Variants in ALDH1A1 observed in about 807,000 individuals in gnomAD.
ALDH1A1 encodes the protein aldehyde dehydrogenase 1A1.
Under a neutral mutation model 62.1 loss-of-function variants are expected in ALDH1A1, and 19 were observed. The observed-to-expected ratio is 0.31, with a 90% CI of 0.21 to 0.45. The LOEUF (loss-of-function observed/expected upper bound fraction) is 0.45, where lower values mean the gene tolerates loss of function less well. Ranked by LOEUF, ALDH1A1 falls within the 20% of genes least tolerant of loss-of-function variation. The pLI, the probability that ALDH1A1 is intolerant of heterozygous loss-of-function variation, is 1.00. For synonymous variants in ALDH1A1, 231 were observed against 215.9 expected, an observed-to-expected ratio of 1.07 and a Z score of -0.61; for missense variants, 521 against 607.1, an observed-to-expected ratio of 0.86 and a Z score of 1.49.
At chr9:72,913,009 A>C (rs1054386501) in intron 9 of ALDH1A1, among the ~76,000 whole-genome samples, 3 of 152,142 alleles carry the variant, frequency 2.0e-5, no homozygotes, top group Non-Finnish European at 4.4e-5. Flanking sequence ...GCAGGGGTTA[A>C]GGATTAAAGG....
At position 72,907,801 on chromosome 9, in the gene ALDH1A1, A is replaced by G. The variant is rs1829894178; in HGVS notation, c.1359-1769T>C. 2.6e-5 allele frequency among the ~76,000 whole-genome samples: 4 copies of G among 152,220 alleles called. No homozygotes were observed. In the South Asian group the frequency reaches 8.3e-4, roughly 32 times the overall value. On this transcript the variant is annotated intron_variant, in intron 11 of 12. Transcript: ENST00000297785. ...GTATAAATATCTTCAGTAAGTGGCG[A>G]TAATATACATACACACAGTAACTAT...
At position 72,931,580 on chromosome 9, in the gene ALDH1A1, C is replaced by T. The variant is rs745931274; in HGVS notation, c.172-561G>A. 5.3e-5 allele frequency among the ~76,000 whole-genome samples: 8 copies of T among 152,174 alleles called. No homozygotes were observed. In the East Asian group the frequency reaches 1.2e-3, roughly 22 times the overall value. On this transcript the variant is annotated intron_variant, in intron 2 of 12. Coordinates refer to ENST00000297785, the MANE Select transcript of ALDH1A1 (RefSeq NM_000689.5). ...CAAGATCCAAAATAATGAATATCTTCCTTGGTCTCTGGTGACTCAACAGCC... is the reference window on the plus strand; with the variant it reads ...CAAGATCCAAAATAATGAATATCTTTCTTGGTCTCTGGTGACTCAACAGCC...
chr9:72,936,861 CA>C (rs1022684731), intron 2 of ALDH1A1, among the ~76,000 whole-genome samples: 1 of 152,146 alleles, frequency 6.6e-6, no homozygotes, highest in Non-Finnish European at 1.5e-5. Flanking sequence ...TACAACTTAA[CA>C]GCTTAACACT....
At chr9:72,910,406 A>G (rs1829967827) in intron 10 of ALDH1A1, among the ~76,000 whole-genome samples, 1 of 152,178 alleles carries the variant, frequency 6.6e-6, no homozygotes, top group Admixed American at 6.5e-5. Context: ...CCTTACTGCA[A>G]GAGCTTATAC....
At chr9:72,940,699 G>T (rs531782939) in intron 1 of ALDH1A1, among the ~76,000 whole-genome samples, 4 of 152,184 alleles carry the variant, frequency 2.6e-5, no homozygotes, top group African/African-American at 4.8e-5. Context: ...GTTAAAAAAA[G>T]AATTTTGCTA....
rs140513949 is a variant in ALDH1A1 at position 72,917,046 on chromosome 9, A to G, written c.909T>C (p.Cys303=). ...CCACAAAAATCCTGGATGCGGCTATACAACACTGGCCCTGGTGGTAGAATA... is the reference window on the plus strand; with the variant it reads ...CCACAAAAATCCTGGATGCGGCTATGCAACACTGGCCCTGGTGGTAGAATA... ...HGVFYHQGQC[C]IAASRIFVEE... The change falls in exon 9 of 13, where the codon TGT becomes TGC. Residue 303 remains cysteine, a synonymous_variant. Coordinates refer to ENST00000297785, the MANE Select transcript of ALDH1A1 (RefSeq NM_000689.5). 6.8e-6 allele frequency: 11 copies of G among 1,613,722 alleles called. No individual in the cohort carries two copies. The highest frequency in any genetic ancestry group is 5.9e-6 in the Non-Finnish European group (7 of 1,179,768).
intron 2 of ALDH1A1, among the ~76,000 whole-genome samples, chr9:72,939,725 C>A (rs1830392780): frequency 6.6e-6 from 1 of 151,856 alleles, no homozygotes; most frequent in Admixed American, 6.6e-5. Context: ...CCCATGTTGG[C>A]CAGGCTGGTC....
intron 1 of ALDH1A1, among the ~76,000 whole-genome samples, chr9:72,945,465 G>A (rs1830464274): frequency 6.6e-6 from 1 of 151,914 alleles, no homozygotes; most frequent in Non-Finnish European, 1.5e-5. Context: ...ACGAGAGGGA[G>A]GGTGATGAGA....
intron 11 of ALDH1A1, among the ~76,000 whole-genome samples, chr9:72,907,087 T>G (rs1195118101): frequency 1.3e-5 from 2 of 152,238 alleles, no homozygotes; most frequent in African/African-American, 4.8e-5. Context: ...GAGATAATAT[T>G]CAGATGTTTT....
intron 7 of ALDH1A1, among the ~76,000 whole-genome samples, chr9:72,921,827 T>C (rs1292929794): frequency 2.0e-5 from 3 of 151,900 alleles, no homozygotes; most frequent in Non-Finnish European, 2.9e-5. Flanking sequence ...CATAAGGCAA[T>C]AGGCATGCAC....
chr9:72,908,560 AAAGAAAGAAAGAAAGAAAGAAAG>A (rs1829922873), intron 11 of ALDH1A1, among the ~76,000 whole-genome samples: 1 of 8,208 alleles, frequency 1.2e-4, no homozygotes, highest in Non-Finnish European at 3.2e-4. Flanking sequence ...AAGAAGAAAG[AAAGAAAGAAAGAAAGAAAGAAAG>A]AAAGAAAGAA....
chr9:72,921,240 CA>C (rs1025687679), intron 7 of ALDH1A1, among the ~76,000 whole-genome samples: 2,560 of 79,066 alleles, frequency 0.032, 35 homozygotes, highest in East Asian at 0.075. Context: ...CGACTCCTCT[CA>C]AAAAAAAAAA....
chr9:72,938,022 A>C (rs1299515976), intron 2 of ALDH1A1, among the ~76,000 whole-genome samples: 1 of 152,106 alleles, frequency 6.6e-6, no homozygotes, highest in Admixed American at 6.5e-5. Flanking sequence ...TAAATCTAAA[A>C]GGGCCCCCTC....
rs1391796196 is a variant in ALDH1A1 at position 72,905,962 on chromosome 9, C to G, written c.1429G>C (p.Glu477Gln). The part of the protein sequence containing the change: ...GGFKMSGNGR[E>Q]LGEYGFHEYT... ...TTAATAGAACGTTAATCTTACAGTT[C>G]TCTTCCATTTCCAGACATCTTGAAT... Residue 477 changes from glutamate (E) to glutamine (Q), a missense_variant, in exon 12 of 13, where the codon GAA becomes CAA. Coordinates refer to ENST00000297785, the MANE Select transcript of ALDH1A1 (RefSeq NM_000689.5). 6.2e-7 allele frequency: 1 copy of G among 1,605,958 alleles called. No individual in the cohort carries two copies. Among genetic ancestry groups the G allele is most frequent in the Non-Finnish European group, 8.5e-7 (1 of 1,174,098 alleles).
At chr9:72,951,711 T>C (rs1312119381) in intron 1 of ALDH1A1, among the ~76,000 whole-genome samples, 4 of 151,920 alleles carry the variant, frequency 2.6e-5, no homozygotes, top group Admixed American at 6.6e-5. Context: ...TGTTTGACGG[T>C]ATGGATTTAC....
chr9:72,935,721 C>T (rs1318730856), intron 2 of ALDH1A1, among the ~76,000 whole-genome samples: 2 of 152,156 alleles, frequency 1.3e-5, no homozygotes, highest in Non-Finnish European at 2.9e-5. Flanking sequence ...TGTTCTTGCC[C>T]TTCCTCTTTT....
intron 1 of ALDH1A1, among the ~76,000 whole-genome samples, chr9:72,950,214 C>G (rs1830528023): frequency 1.3e-5 from 2 of 151,832 alleles, no homozygotes; most frequent in South Asian, 4.1e-4. Flanking sequence ...ATACTTTCAT[C>G]GACCTTAGAA....
chr9:72,946,276 T>C (rs1204690069), intron 1 of ALDH1A1, among the ~76,000 whole-genome samples: 1 of 152,002 alleles, frequency 6.6e-6, no homozygotes, highest in African/African-American at 2.4e-5. Flanking sequence ...TTGTATTCCT[T>C]TGACATCTAA....
At chr9:72,919,566 G>T (rs925321609) in intron 7 of ALDH1A1, among the ~76,000 whole-genome samples, 1 of 152,210 alleles carries the variant, frequency 6.6e-6, no homozygotes. Context: ...GATCCAGATT[G>T]TATTATTTGT....
Sources: allele counts gnomAD v4.1 joint callset (sites outside exome capture counted in the v4.1 genomes callset), GRCh38; gene constraint gnomAD v4.1.1; transcripts MANE v1.5; gene names NCBI Gene and HGNC (gene_info 2026-07-23, HGNC 2026-07-21).